The following PAIP2 variants were observed in gnomAD, a reference collection of about 807,000 sequenced individuals.
PAIP2 encodes polyadenylate-binding protein-interacting protein 2.
A neutral mutation model predicts 14.8 loss-of-function variants in PAIP2; 7 were observed. The observed-to-expected ratio is 0.47, with a 90% CI of 0.27 to 0.89. PAIP2 has a LOEUF of 0.89. PAIP2 is among the 40% of genes least tolerant of loss of function. The pLI is 0.13. For missense variants in PAIP2, 122 were observed against 154.7 expected (o/e 0.79, Z 1.12); for synonymous variants, 47 against 45.3 (o/e 1.04, Z -0.15).
chr5:139,367,162 A>G (rs1757299240), intron 3 of PAIP2: 1 of 152,224 alleles, frequency 6.6e-6, no homozygotes, highest in African/African-American at 2.4e-5. Flanking sequence ...ATCCTGTCCA[A>G]AGAAACTGCT....
intron 1 of PAIP2, among the ~76,000 whole-genome samples, chr5:139,360,773 CTTTCTTTTTTTTTT>C (rs1262652526): frequency 1.3e-5 from 2 of 149,286 alleles, no homozygotes; most frequent in African/African-American, 2.5e-5. Context: ...TTCTTCCTGC[CTTTCTTTTTTTTTT>C]TTTCTTTTTT....
At chr5:139,364,520 TA>T in intron 2 of PAIP2, 43 bp from the exon 3 acceptor site, 1 of 1,169,800 alleles carries the variant, frequency 8.5e-7, no homozygotes, top group Non-Finnish European at 1.3e-6. Context: ...TTCCTAGTGA[TA>T]TCTACCAAGT....
At chr5:139,349,835 C>A (rs1756672730) in intron 1 of PAIP2, among the ~76,000 whole-genome samples, 2 of 151,848 alleles carry the variant, frequency 1.3e-5, no homozygotes. Flanking sequence ...AACCCCGTTT[C>A]TACTAAAAAT....
intron 1 of PAIP2, among the ~76,000 whole-genome samples, chr5:139,344,592 C>T (rs551101485): frequency 7.9e-5 from 12 of 152,214 alleles, no homozygotes; most frequent in Middle Eastern, 3.4e-3. Flanking sequence ...TCTGTGTAGC[C>T]GATGGCCACC....
At chr5:139,362,243 T>C (rs1292340562) in intron 1 of PAIP2, among the ~76,000 whole-genome samples, 1 of 152,002 alleles carries the variant, frequency 6.6e-6, no homozygotes, top group Non-Finnish European at 1.5e-5. Context: ...TTGTTTGAGG[T>C]GGAGTTTCCC....
chr5:139,366,045 T>G (rs917797523), intron 3 of PAIP2, among the ~76,000 whole-genome samples: 6 of 151,610 alleles, frequency 4.0e-5, no homozygotes, highest in African/African-American at 1.5e-4. Flanking sequence ...ACTAAAAGTA[T>G]ACAGAAAATT....
rs761015051 is a variant in PAIP2, at chr5:139,348,678, C to CTTT, written c.-27+6712_-27+6714dup. 9.8e-3 allele frequency among the ~76,000 whole-genome samples: 1,246 copies of CTTT among 127,550 alleles called. 25 individuals are homozygous for CTTT. The highest frequency in any genetic ancestry group is 0.034 in the African/African-American group (1,189 of 34,610). 83.7% of individuals were successfully genotyped at this position (127,550 alleles called of 152,430 possible). ...GGCCACGCCCAGCTAATCTTTGTAT[C>CTTT]TTTTTTTTTTTTTTTTAAAGTCAGA... On this transcript the variant is annotated intron_variant, in intron 1 of 3. Coordinates refer to ENST00000265192, the MANE Select transcript of PAIP2 (RefSeq NM_016480.5).
chr5:139,355,451 C>T (rs1251868605), intron 1 of PAIP2, among the ~76,000 whole-genome samples: 4 of 152,146 alleles, frequency 2.6e-5, no homozygotes, highest in Non-Finnish European at 4.4e-5. Flanking sequence ...GGATTACAGG[C>T]GTAAGCCACC....
chr5:139,356,603 G>T (rs1408065519), intron 1 of PAIP2, among the ~76,000 whole-genome samples: 1 of 151,936 alleles, frequency 6.6e-6, no homozygotes, highest in Non-Finnish European at 1.5e-5. Context: ...TTTCGGGCTG[G>T]GCACGGTGAC....
In PAIP2 at chr5:139,368,985, A is replaced by G. The variant is rs567792634; in HGVS notation, c.*187A>G. On this transcript the variant is annotated 3_prime_UTR_variant, in exon 4 of 4. Transcript: ENST00000265192. Reference sequence around the variant, plus strand: ...CTAAGTAAAAAGCTGTCAAACATTTACTGAAAATAGAATTGGCCCCATGGC... The same window carrying G: ...CTAAGTAAAAAGCTGTCAAACATTTGCTGAAAATAGAATTGGCCCCATGGC... The G allele has an allele frequency of 4.0e-6, 2 of 495,272 alleles. No homozygotes were observed. Among genetic ancestry groups the G allele is most frequent in the South Asian group, 3.1e-5 (1 of 32,266 alleles). The allele number at this position is 495,272 out of a possible 1,614,324, so 30.7% of individuals were successfully genotyped here. A position where few individuals can be genotyped will look rare whatever the true frequency, so the allele number is the denominator to read the frequency against.
intron 3 of PAIP2, among the ~76,000 whole-genome samples, chr5:139,368,296 C>T (rs939388859): frequency 4.0e-5 from 6 of 151,858 alleles, no homozygotes; most frequent in African/African-American, 1.2e-4. Flanking sequence ...GCTGAGATCG[C>T]GCCACTGCAC....
At chr5:139,346,454 G>T (rs979676195) in intron 1 of PAIP2, among the ~76,000 whole-genome samples, 2 of 151,938 alleles carry the variant, frequency 1.3e-5, no homozygotes, top group African/African-American at 4.8e-5. Flanking sequence ...GGCCAGGATG[G>T]TCTCAATCTC....
intron 1 of PAIP2, among the ~76,000 whole-genome samples, chr5:139,349,122 G>T (rs1756648299): frequency 6.6e-6 from 1 of 152,246 alleles, no homozygotes; most frequent in African/African-American, 2.4e-5. Flanking sequence ...GATTGGGGAG[G>T]GAAGAAGTGT....
chr5:139,345,069 G>A (rs1389516570), intron 1 of PAIP2, among the ~76,000 whole-genome samples: 6 of 151,768 alleles, frequency 4.0e-5, no homozygotes, highest in African/African-American at 1.5e-4. Flanking sequence ...TTTTTGAAAC[G>A]GAGTCTTGCT....
At chr5:139,351,189 A>C (rs967256340) in intron 1 of PAIP2, among the ~76,000 whole-genome samples, 2 of 152,180 alleles carry the variant, frequency 1.3e-5, no homozygotes, top group African/African-American at 4.8e-5. Flanking sequence ...TATAATAGGA[A>C]TGCGTATTGC....
At chr5:139,360,525 C>T (rs907843038) in intron 1 of PAIP2, among the ~76,000 whole-genome samples, 6 of 152,086 alleles carry the variant, frequency 3.9e-5, no homozygotes, top group African/African-American at 7.2e-5. Flanking sequence ...TAGGGTCTTG[C>T]TCTGCCGCCC....
chr5:139,346,407 A>G (rs1478881861), intron 1 of PAIP2, among the ~76,000 whole-genome samples: 1 of 151,406 alleles, frequency 6.6e-6, no homozygotes, highest in Non-Finnish European at 1.5e-5. Context: ...ACGCCCAGCT[A>G]ATGTTTGTAT....
chr5:139,364,428 A>AT (rs1757157921), intron 2 of PAIP2, 136 bp from the exon 3 acceptor site: 23 of 548,604 alleles, frequency 4.2e-5, no homozygotes, highest in South Asian at 9.0e-5. Flanking sequence ...TATGGTAAGC[A>AT]TTTTTTTTCC....
chr5:139,356,779 C>CG (rs912443850), intron 1 of PAIP2, among the ~76,000 whole-genome samples: 6 of 150,078 alleles, frequency 4.0e-5, no homozygotes, highest in Non-Finnish European at 7.4e-5. Flanking sequence ...CCCAGCTACT[C>CG]GGGAGGCTGA....
Sources: gnomAD v4.1 joint callset for allele counts (sites outside exome capture counted in the v4.1 genomes callset) on GRCh38, gnomAD v4.1.1 for gene constraint, MANE v1.5 for transcripts, NCBI Gene and HGNC (gene_info 2026-07-23, HGNC 2026-07-21) for gene names.